PARD3B: variants seen among roughly 807,000 people sequenced by gnomAD.
PARD3B encodes par-3 family cell polarity regulator beta, also known as partitioning defective 3 homolog B.
PARD3B carries 103 observed loss-of-function variants against 130.2 expected under a neutral mutation model. The observed-to-expected ratio is 0.79, with a 90% CI of 0.67 to 0.93. The LOEUF (loss-of-function observed/expected upper bound fraction) is 0.93. PARD3B is among the 40% of genes least tolerant of loss of function. The probability of loss-of-function intolerance (pLI) is 0.00; values close to 1 mark genes in which losing one functional copy is unlikely to be tolerated. For synonymous variants in PARD3B, 583 were observed against 553.2 expected, an observed-to-expected ratio of 1.05 and a Z score of -0.76; for missense variants, 1,609 against 1,499.2, an observed-to-expected ratio of 1.07 and a Z score of -1.21.
In PARD3B at chr2:205,229,412, C is replaced by A. The variant is rs2038721610; in HGVS notation, c.2141-16366C>A. ...TGACTCTTACAGACTTGTAGAGGTGCCATGTTGGTGGTCTTGGATAAGATC... is the reference window on the plus strand; with the variant it reads ...TGACTCTTACAGACTTGTAGAGGTGACATGTTGGTGGTCTTGGATAAGATC... On this transcript the variant is annotated intron_variant, in intron 15 of 22. Transcript: ENST00000406610. This position sits in a 1 kb window ranked among gnomAD's most constrained non-coding sequence, Gnocchi z 5.2. 6.6e-6 allele frequency among the ~76,000 whole-genome samples: 1 copy of A among 152,180 alleles called. No homozygotes were observed. The highest frequency in any genetic ancestry group is 2.4e-5 in the African/African-American group (1 of 41,440).
chr2:204,773,793 CTT>C (rs2041495096), intron 2 of PARD3B, among the ~76,000 whole-genome samples: 1 of 152,042 alleles, frequency 6.6e-6, no homozygotes, highest in South Asian at 2.1e-4. Flanking sequence ...CTGACTTCCT[CTT>C]CTCTTCCACG....
intron 2 of PARD3B, among the ~76,000 whole-genome samples, chr2:204,731,214 A>T (rs1414595406): frequency 2.0e-5 from 3 of 152,192 alleles, no homozygotes; most frequent in Non-Finnish European, 2.9e-5. Flanking sequence ...CACTGAAGCA[A>T]TGAATGGTTG....
chr2:204,558,771 A>G (rs542854128), intron 1 of PARD3B, among the ~76,000 whole-genome samples: 4 of 152,336 alleles, frequency 2.6e-5, no homozygotes, highest in African/African-American at 9.6e-5. Context: ...TGGAGGCATC[A>G]TGCTACCTGA....
chr2:205,202,954 T>G (rs1472813607), intron 15 of PARD3B, among the ~76,000 whole-genome samples: 1 of 152,156 alleles, frequency 6.6e-6, no homozygotes, highest in Non-Finnish European at 1.5e-5. Context: ...ATTTCATAGG[T>G]ATATCCTTAA....
chr2:205,002,020 C>G (rs971765015), intron 3 of PARD3B, among the ~76,000 whole-genome samples: 1 of 152,134 alleles, frequency 6.6e-6, no homozygotes, highest in Non-Finnish European at 1.5e-5. Flanking sequence ...TCCCCCTAAA[C>G]AAAAATATAT....
Position 205,589,352 on chromosome 2 carries a change from C to T in PARD3B, c.3261-26104C>T, listed in dbSNP as rs2054304059. On this transcript the variant is annotated intron_variant, in intron 22 of 22. Transcript: ENST00000406610. This position sits in a 1 kb window ranked among gnomAD's most constrained non-coding sequence, Gnocchi z 4.1. The stretch of plus-strand genomic sequence containing the variant: ...CACTCTTTTTATCAAATCACTATGC[C>T]ACAGGATGAGATTAAATCTCACCAC... 6.6e-6 allele frequency among the ~76,000 whole-genome samples: 1 copy of T among 152,142 alleles called. No homozygotes were observed. The highest frequency in any genetic ancestry group is 1.5e-5 in the Non-Finnish European group (1 of 68,020).
intron 19 of PARD3B, among the ~76,000 whole-genome samples, chr2:205,433,183 A>G (rs1368997122): frequency 1.3e-5 from 2 of 152,232 alleles, no homozygotes; most frequent in Non-Finnish European, 2.9e-5. Flanking sequence ...TAGTTTATAA[A>G]AGGTATAAGT....
At chr2:204,558,754 A>G (rs556019030) in intron 1 of PARD3B, among the ~76,000 whole-genome samples, 3 of 152,334 alleles carry the variant, frequency 2.0e-5, no homozygotes, top group Admixed American at 2.0e-4. Flanking sequence ...AGCATAAAGA[A>G]CAAAGCTGGA....
chr2:205,365,547 T>G (rs2044574465), intron 18 of PARD3B, among the ~76,000 whole-genome samples: 1 of 112,128 alleles, frequency 8.9e-6, no homozygotes, highest in Non-Finnish European at 1.8e-5. Flanking sequence ...CACCCAACCT[T>G]CCTTTTTTTT....
intron 18 of PARD3B, among the ~76,000 whole-genome samples, chr2:205,392,129 G>C (rs849237): frequency 0.75 from 113,652 of 152,114 alleles, 45,894 homozygotes; most frequent in East Asian, 0.96. Flanking sequence ...CTAGCCCCTC[G>C]GTATGGGGAA....
intron 15 of PARD3B, among the ~76,000 whole-genome samples, chr2:205,222,318 A>G (rs571409711): frequency 3.3e-5 from 5 of 152,346 alleles, no homozygotes; most frequent in African/African-American, 1.2e-4. Flanking sequence ...GTCACACAGT[A>G]GAAGGAATTT....
intron 1 of PARD3B, among the ~76,000 whole-genome samples, chr2:204,619,294 G>A (rs1407447642): frequency 6.6e-6 from 1 of 152,170 alleles, no homozygotes; most frequent in Non-Finnish European, 1.5e-5. Context: ...TGAAAGCTGA[G>A]GGATGGTTTC....
At chr2:204,992,342 C>T (rs899662277) in intron 3 of PARD3B, among the ~76,000 whole-genome samples, 2 of 137,330 alleles carry the variant, frequency 1.5e-5, no homozygotes, top group Admixed American at 1.5e-4. Context: ...GGAATCCTTT[C>T]CCCATTGCTT....
rs1194406073 is a variant in PARD3B, at chr2:205,158,721, G to C, written c.1435-1G>C. The C allele has an allele frequency of 1.1e-5, 17 of 1,608,112 alleles. No individual in the cohort carries two copies. Among genetic ancestry groups the C allele is most frequent in the Non-Finnish European group, 1.4e-5 (17 of 1,177,518 alleles). ...TCTTTTCATGTGTATTCCCCTAACA[G>C]AAAGGAGAACCTGACTGCTGTGCAC... On this transcript the variant is annotated splice_acceptor_variant, in intron 10 of 22. Transcript: ENST00000406610. LOFTEE classifies it high-confidence loss of function. The surrounding 1 kb of genome is among the most constrained non-coding windows in gnomAD (Gnocchi z 5.4).
At chr2:205,443,279 A>G (rs776916749) in intron 20 of PARD3B, among the ~76,000 whole-genome samples, 20 of 152,206 alleles carry the variant, frequency 1.3e-4, no homozygotes, top group African/African-American at 4.6e-4. Context: ...AATTCTAAAC[A>G]TACCATACGT....
intron 15 of PARD3B, among the ~76,000 whole-genome samples, chr2:205,239,954 G>T (rs2039278653): frequency 1.3e-5 from 2 of 152,116 alleles, no homozygotes; most frequent in Admixed American, 1.3e-4. Flanking sequence ...GGGTGTGGGT[G>T]TGTGTTTGTG....
chr2:204,977,180 GT>G lies in PARD3B; in HGVS notation c.394+11862del, dbSNP rs533307506. Among the ~76,000 whole-genome samples the G allele has an allele frequency of 2.4e-4, 36 of 152,232 alleles. 1 individual carries two copies. In the South Asian group the frequency reaches 7.3e-3, roughly 31 times the overall value. On this transcript the variant is annotated intron_variant, in intron 3 of 22. Coordinates refer to ENST00000406610, the MANE Select transcript of PARD3B (RefSeq NM_001302769.2). ...GGTTTCAAATAATGCCTTCGTGCTT[GT>G]TTTTAGAGATTCATAGAAGGGTAAT...
intron 15 of PARD3B, among the ~76,000 whole-genome samples, chr2:205,205,585 T>A (rs2037242833): frequency 6.6e-6 from 1 of 152,194 alleles, no homozygotes; most frequent in Admixed American, 6.5e-5. Context: ...TGTGGGTTTG[T>A]CATAAATCGT....
chr2:205,411,725 A>G (rs931617763), intron 19 of PARD3B, among the ~76,000 whole-genome samples: 1 of 152,106 alleles, frequency 6.6e-6, no homozygotes, highest in Non-Finnish European at 1.5e-5. Context: ...CCCAGCTGGG[A>G]GTCATGCCAG....
Sources: gnomAD v4.1 joint callset for allele counts (sites outside exome capture counted in the v4.1 genomes callset) on GRCh38, gnomAD v4.1.1 for gene constraint, Gnocchi (gnomAD v3.1) non-coding constraint, MANE v1.5 for transcripts, NCBI Gene and HGNC (gene_info 2026-07-23, HGNC 2026-07-21) for gene names.